Variants in OSBPL10 observed in about 807,000 individuals in gnomAD.
OSBPL10 encodes the protein oxysterol binding protein like 10, also known as oxysterol-binding protein-related protein 10.
A neutral mutation model predicts 81.7 loss-of-function variants in OSBPL10; 49 were observed. The observed-to-expected ratio is 0.60, with a 90% CI of 0.48 to 0.76. The LOEUF is 0.76. OSBPL10 is among the 30% of genes least tolerant of loss of function. The pLI, the probability that OSBPL10 is intolerant of heterozygous loss-of-function variation, is 0.00. For missense variants in OSBPL10, 923 were observed against 987.8 expected (o/e 0.93, Z 0.88); for synonymous variants, 419 against 383.6 (o/e 1.09, Z -1.08).
chr3:32,055,068 A>T (rs1699697669), intron 1 of OSBPL10, among the ~76,000 whole-genome samples: 1 of 151,742 alleles, frequency 6.6e-6, no homozygotes, highest in Non-Finnish European at 1.5e-5. Context: ...CAAGAACAGG[A>T]GTTAACTGCA....
intron 4 of OSBPL10, among the ~76,000 whole-genome samples, chr3:31,803,408 C>T (rs1255555861): frequency 1.3e-5 from 2 of 152,226 alleles, no homozygotes; most frequent in Admixed American, 6.5e-5. Context: ...AAGTCCCTGG[C>T]AGAACCAGGG....
chr3:31,691,251 A>T (rs7649547), intron 7 of OSBPL10, among the ~76,000 whole-genome samples: 2 of 152,036 alleles, frequency 1.3e-5, no homozygotes, highest in Non-Finnish European at 2.9e-5. Context: ...TCAATCTAAA[A>T]GTAAATAACC....
Position 31,683,888 on chromosome 3 carries a change from C to T in OSBPL10, c.1472G>A (p.Trp491Ter). 1.2e-6 allele frequency: 2 copies of T among 1,614,200 alleles called. No homozygotes were observed. The highest frequency in any genetic ancestry group is 1.7e-6 in the Non-Finnish European group (2 of 1,180,038). The change falls in exon 8 of 12, where the codon TGG becomes TAG. Residue 491 changes from tryptophan (W) to a stop codon, truncating the protein, a stop_gained. Coordinates refer to ENST00000396556, the MANE Select transcript of OSBPL10 (RefSeq NM_017784.5). LOFTEE classifies it high-confidence loss of function. ...PIIGETFHCS[W>*]EVPKDRVKPK... ...CTTGACCCTGTCCTTGGGAACTTCCCAGGAGCAGTGAAATGTCTCGCCTAT... is the reference window on the plus strand; with the variant it reads ...CTTGACCCTGTCCTTGGGAACTTCCTAGGAGCAGTGAAATGTCTCGCCTAT...
At position 31,907,637 on chromosome 3, in the gene OSBPL10, A is replaced by C. The variant is rs1342214985; in HGVS notation, c.282-27807T>G. Among the ~76,000 whole-genome samples, 38 of 149,492 alleles carry C rather than the reference A, an allele frequency of 2.5e-4. 1 individual carries two copies. Among genetic ancestry groups the C allele is most frequent in the Non-Finnish European group, 4.4e-4 (30 of 67,522 alleles). ...TCCATCTCAAAAAAAAAAAAAAAAA[A>C]AAAAAAAAAAAAAATTTAAGTGATC... is the stretch of plus-strand genomic sequence containing the variant. On this transcript the variant is annotated intron_variant, in intron 1 of 11. Coordinates refer to ENST00000396556, the MANE Select transcript of OSBPL10 (RefSeq NM_017784.5).
intron 4 of OSBPL10, among the ~76,000 whole-genome samples, chr3:31,820,820 G>C (rs769053749): frequency 4.6e-5 from 7 of 151,992 alleles, no homozygotes; most frequent in Non-Finnish European, 8.8e-5. Context: ...CCTCTCAAAG[G>C]CTTTTTAAAC....
chr3:31,849,192 C>T (rs913589133), intron 3 of OSBPL10, among the ~76,000 whole-genome samples: 1 of 152,182 alleles, frequency 6.6e-6, no homozygotes, highest in African/African-American at 2.4e-5. Context: ...CCCCCTGACC[C>T]ACTTGTCCAC....
chr3:32,037,613 T>C, intron 2 of OSBPL10: 1 of 220,220 alleles, frequency 4.5e-6, no homozygotes, highest in Non-Finnish European at 9.0e-6. Context: ...TAGGATGCCA[T>C]GGCATTTGAT....
chr3:31,662,350 A>C, intron 11 of OSBPL10: 6 of 1,260,182 alleles, frequency 4.8e-6, no homozygotes, highest in Admixed American at 4.1e-5. Flanking sequence ...AGCAAAATAA[A>C]AGGGGAGCTT....
At chr3:31,996,738 A>G (rs1336942845) in intron 2 of OSBPL10, among the ~76,000 whole-genome samples, 1 of 152,218 alleles carries the variant, frequency 6.6e-6, no homozygotes, top group African/African-American at 2.4e-5. Flanking sequence ...AAAGAAAGCA[A>G]AAGCCGAAAA....
chr3:31,994,972 C>T (rs536335515), intron 2 of OSBPL10, among the ~76,000 whole-genome samples: 27 of 152,048 alleles, frequency 1.8e-4, no homozygotes, highest in African/African-American at 3.9e-4. Flanking sequence ...CCACCTGAGC[C>T]GCAAAACCAG....
intron 1 of OSBPL10, among the ~76,000 whole-genome samples, chr3:32,074,701 A>G (rs547026077): frequency 1.4e-4 from 22 of 152,250 alleles, no homozygotes; most frequent in African/African-American, 4.8e-4. Flanking sequence ...CTCATATACC[A>G]TGAAAACCGA....
chr3:31,952,859 AG>A, intron 1 of OSBPL10, among the ~76,000 whole-genome samples: 1 of 152,060 alleles, frequency 6.6e-6, no homozygotes, highest in Admixed American at 6.5e-5. Context: ...CTGTCGGGGA[AG>A]GGTCCTATAT....
At position 31,921,757 on chromosome 3, in the gene OSBPL10, G is replaced by A. The variant is rs576722811; in HGVS notation, c.282-41927C>T. Among the ~76,000 whole-genome samples, 89 of 152,226 alleles carry A rather than the reference G, an allele frequency of 5.8e-4. 1 individual carries two copies. The highest frequency in any genetic ancestry group is 1.9e-3 in the African/African-American group (78 of 41,558). ...GTTGAGCATAGGGACTTTCTTTTGCGGAGCACAGTATGAAAAGGACAGGAG... is the reference window on the plus strand; with the variant it reads ...GTTGAGCATAGGGACTTTCTTTTGCAGAGCACAGTATGAAAAGGACAGGAG... On this transcript the variant is annotated intron_variant, in intron 1 of 11. Transcript: ENST00000396556.
intron 6 of OSBPL10, among the ~76,000 whole-genome samples, chr3:31,730,644 C>T (rs1575505844): frequency 6.6e-6 from 1 of 152,108 alleles, no homozygotes; most frequent in African/African-American, 2.4e-5. Flanking sequence ...ATAACAGAGC[C>T]GACCACAGCT....
intron 9 of OSBPL10, among the ~76,000 whole-genome samples, chr3:31,670,417 T>C (rs1418040227): frequency 1.3e-5 from 2 of 152,152 alleles, no homozygotes; most frequent in African/African-American, 4.8e-5. Flanking sequence ...TGACACAGAA[T>C]TGAGGATAGT....
chr3:31,671,153 C>A (rs111502363), intron 8 of OSBPL10, among the ~76,000 whole-genome samples, 170 bp from the exon 9 acceptor site: 10 of 152,214 alleles, frequency 6.6e-5, no homozygotes, highest in Non-Finnish European at 8.8e-5. Context: ...GTGCAAGGCA[C>A]TGAGAATACA....
chr3:31,836,425 C>A (rs1425033439), intron 3 of OSBPL10, among the ~76,000 whole-genome samples: 1 of 152,176 alleles, frequency 6.6e-6, no homozygotes, highest in African/African-American at 2.4e-5. Context: ...AAAATTGTCA[C>A]AAGCAAATGC....
chr3:31,846,310 A>T (rs1453733049), intron 3 of OSBPL10, among the ~76,000 whole-genome samples: 1 of 152,114 alleles, frequency 6.6e-6, no homozygotes, highest in Admixed American at 6.5e-5. Context: ...ATTGCATCTG[A>T]CCAGAAATGG....
chr3:31,900,826 C>T (rs924929899), intron 1 of OSBPL10, among the ~76,000 whole-genome samples: 1 of 152,184 alleles, frequency 6.6e-6, no homozygotes, highest in Non-Finnish European at 1.5e-5. Flanking sequence ...CTTTGTATTA[C>T]TCTTGTCTTA....
Sources: allele counts gnomAD v4.1 joint callset (sites outside exome capture counted in the v4.1 genomes callset), GRCh38; gene constraint gnomAD v4.1.1; transcripts MANE v1.5; gene names NCBI Gene and HGNC (gene_info 2026-07-23, HGNC 2026-07-21).